Variants in ANKRD11 observed in about 807,000 individuals in gnomAD.
ANKRD11 encodes the protein ankyrin repeat domain 11.
In ANKRD11, 17 loss-of-function variants were observed where a neutral mutation model predicts 195.7. That is an observed-to-expected ratio of 0.09 (90% CI 0.06 to 0.13). The LOEUF is 0.13. ANKRD11 is among the 10% of genes least tolerant of loss of function. ANKRD11 has a pLI of 1.00. For synonymous variants in ANKRD11, 1,953 were observed against 1,528.1 expected (o/e 1.28, Z -6.49); for missense variants, 3,735 against 3,566.1 (o/e 1.05, Z -1.21).
chr16:89,455,995 T>C (rs1353196521), intron 1 of ANKRD11, among the ~76,000 whole-genome samples: 1 of 151,960 alleles, frequency 6.6e-6, no homozygotes, highest in Non-Finnish European at 1.5e-5. Flanking sequence ...CCCAGCACTT[T>C]TGAGAGGCTG....
chr16:89,476,941 C>T (rs2057278609), intron 1 of ANKRD11, among the ~76,000 whole-genome samples: 1 of 152,156 alleles, frequency 6.6e-6, no homozygotes, highest in Non-Finnish European at 1.5e-5. Context: ...GACTGGAACA[C>T]ATGATATGGT....
intron 2 of ANKRD11, among the ~76,000 whole-genome samples, chr16:89,346,301 G>A (rs1326130058): frequency 6.7e-6 from 1 of 148,756 alleles, no homozygotes; most frequent in Non-Finnish European, 1.5e-5. Context: ...ATGCGCCTCA[G>A]CCACGGAGCA....
At chr16:89,271,034 C>A in intron 11 of ANKRD11, 125 bp from the exon 12 acceptor site, 6 of 834,794 alleles carry the variant, frequency 7.2e-6, no homozygotes, top group Non-Finnish European at 1.2e-5. Context: ...CCTCATTCCA[C>A]CGCGCACACA....
At chr16:89,430,518 C>T (rs964117617) in intron 1 of ANKRD11, among the ~76,000 whole-genome samples, 121 of 150,650 alleles carry the variant, frequency 8.0e-4, no homozygotes, top group South Asian at 2.5e-3. Flanking sequence ...ACAGCAGGGA[C>T]TCTCAACTCT....
At chr16:89,444,506 C>T (rs536692944) in intron 1 of ANKRD11, among the ~76,000 whole-genome samples, 90 of 152,202 alleles carry the variant, frequency 5.9e-4, no homozygotes, top group Non-Finnish European at 1.1e-3. Context: ...TTGCCATCAG[C>T]GTTACCCTGG....
chr16:89,276,634 G>A (rs955701891), intron 9 of ANKRD11, among the ~76,000 whole-genome samples: 28 of 152,324 alleles, frequency 1.8e-4, no homozygotes, highest in African/African-American at 5.8e-4. Flanking sequence ...GCCACAGCGT[G>A]GACGCACGGC....
chr16:89,278,948 G>T, intron 9 of ANKRD11, 124 bp downstream of exon 9: 2 of 1,445,652 alleles, frequency 1.4e-6, no homozygotes, highest in African/African-American at 1.4e-5. Flanking sequence ...TCCTCAGGTG[G>T]CAGAAGGTCG....
At chr16:89,477,070 T>C (rs952446354) in intron 1 of ANKRD11, among the ~76,000 whole-genome samples, 2 of 152,184 alleles carry the variant, frequency 1.3e-5, no homozygotes, top group Non-Finnish European at 2.9e-5. Context: ...AGAAAAAGGT[T>C]CTCCTTTGGT....
In ANKRD11 at chr16:89,270,825, G is replaced by A; in HGVS notation, c.7798C>T (p.Arg2600Cys). 1.2e-6 allele frequency: 2 copies of A among 1,613,774 alleles called. No individual in the cohort carries two copies. Among genetic ancestry groups the A allele is most frequent in the South Asian group, 1.1e-5 (1 of 91,050 alleles). ...WLQDVDDKYD[R>C]MKTCLLMRQQ... ...GGACGCGCAACACCGACCTTCATGCGGTCATACTTGTCATCCACGTCCTGG... is the reference window on the plus strand; with the variant it reads ...GGACGCGCAACACCGACCTTCATGCAGTCATACTTGTCATCCACGTCCTGG... Residue 2600 changes from arginine (R) to cysteine (C), a missense_variant, in exon 12 of 13, where the codon CGC (arginine) becomes TGC (cysteine). Coordinates refer to ENST00000301030, the MANE Select transcript of ANKRD11 (RefSeq NM_013275.6).
chr16:89,318,147 G>T (rs3102357), intron 2 of ANKRD11, among the ~76,000 whole-genome samples: 76,646 of 152,024 alleles, frequency 0.5, 20,018 homozygotes, highest in Middle Eastern at 0.67. Context: ...GACACACGGT[G>T]CGAGCGCACT....
At chr16:89,371,555 C>T (rs769217788) in intron 2 of ANKRD11, among the ~76,000 whole-genome samples, 9 of 152,166 alleles carry the variant, frequency 5.9e-5, no homozygotes, top group Non-Finnish European at 1.2e-4. Context: ...GCTCAGATTC[C>T]GCCATGCTGC....
At chr16:89,470,705 C>T (rs1002950141) in intron 1 of ANKRD11, among the ~76,000 whole-genome samples, 2 of 151,770 alleles carry the variant, frequency 1.3e-5, no homozygotes, top group Admixed American at 6.6e-5. Context: ...ATTAGCCGGG[C>T]GTGGCCGGGC....
chr16:89,328,745 C>G (rs534516228), intron 2 of ANKRD11, among the ~76,000 whole-genome samples: 1 of 137,102 alleles, frequency 7.3e-6, no homozygotes, highest in Non-Finnish European at 1.5e-5. Context: ...CCCAGGAGCA[C>G]GGGCGAAATC....
chr16:89,280,415 C>T lies in ANKRD11; in HGVS notation c.6127G>A (p.Ala2043Thr), dbSNP rs1322632964. Residue 2043 changes from alanine to threonine, a missense_variant, in exon 9 of 13, where the codon GCC (alanine) becomes ACC (threonine). By Grantham distance (58) the Ala-to-Thr change is moderately conservative (BLOSUM62 0). Transcript: ENST00000301030. ...GAGGTGGAGATGGCGGCGGGGACGG[C>T]GTCCACTCCGTCCTTGACGTCCTCC... The part of the protein sequence containing the change: ...GLEDVKDGVD[A>T]VPAAISTSEA... 3.2e-6 allele frequency: 5 copies of T among 1,563,322 alleles called. No individual in the cohort carries two copies. The highest frequency in any genetic ancestry group is 3.6e-5 in the Admixed American group (2 of 54,816).
chr16:89,450,558 G>C (rs895630567), intron 1 of ANKRD11, among the ~76,000 whole-genome samples: 6 of 152,182 alleles, frequency 3.9e-5, no homozygotes, highest in African/African-American at 1.4e-4. Context: ...TTGCAGAAGA[G>C]GGCTGACAAT....
chr16:89,467,804 T>TTTTG (rs1261557336), intron 1 of ANKRD11, among the ~76,000 whole-genome samples: 1 of 152,116 alleles, frequency 6.6e-6, no homozygotes. Context: ...CAGTGTTTTG[T>TTTTG]TTTGTTTGTT....
intron 1 of ANKRD11, among the ~76,000 whole-genome samples, chr16:89,432,628 A>G (rs370411294): frequency 7.9e-5 from 12 of 152,012 alleles, no homozygotes; most frequent in Admixed American, 2.6e-4. Flanking sequence ...CTCTACGGAG[A>G]TATGTATTGC....
chr16:89,422,435 C>T (rs1368488545), intron 1 of ANKRD11, among the ~76,000 whole-genome samples: 1 of 152,144 alleles, frequency 6.6e-6, no homozygotes, highest in African/African-American at 2.4e-5. Flanking sequence ...GACACAGTAA[C>T]CACCCTGGTC....
intron 2 of ANKRD11, among the ~76,000 whole-genome samples, chr16:89,342,057 G>A (rs9922638): frequency 0.059 from 2,261 of 38,538 alleles, 77 homozygotes; most frequent in Admixed American, 0.098. Context: ...GGCCCACGGC[G>A]GGAGTGCTGC....
Sources: allele counts gnomAD v4.1 joint callset (sites outside exome capture counted in the v4.1 genomes callset), GRCh38; gene constraint gnomAD v4.1.1; transcripts MANE v1.5; gene names NCBI Gene and HGNC (gene_info 2026-07-23, HGNC 2026-07-21).